EXOC4: variants seen among roughly 807,000 people sequenced by gnomAD.
EXOC4 encodes the protein SEC8-like 1.
EXOC4 carries 71 observed loss-of-function variants against 107.2 expected under a neutral mutation model. That is an observed-to-expected ratio of 0.66 (90% CI 0.55 to 0.81). EXOC4 has a LOEUF of 0.81. EXOC4 is among the 30% of genes least tolerant of loss of function. The pLI is 0.00. For synonymous variants in EXOC4, 456 were observed against 441.2 expected, an observed-to-expected ratio of 1.03 and a Z score of -0.42; for missense variants, 1,108 against 1,189.6, an observed-to-expected ratio of 0.93 and a Z score of 1.01.
At chr7:133,782,665 G>T (rs1796492137) in intron 10 of EXOC4, among the ~76,000 whole-genome samples, 1 of 152,146 alleles carries the variant, frequency 6.6e-6, no homozygotes, top group South Asian at 2.1e-4. Flanking sequence ...CAGGTCCCCT[G>T]AAACACATCC....
Position 133,298,927 on chromosome 7 carries a change from T to C in EXOC4, c.472-6950T>C, listed in dbSNP as rs570637656. On this transcript the variant is annotated intron_variant, in intron 3 of 17. Transcript: ENST00000253861. ...AAATATGGGGAATTGGTTTAAGTCA[T>C]TGTATAGTCATACTCATGGACTAGT... is the stretch of plus-strand genomic sequence containing the variant. Among the ~76,000 whole-genome samples the C allele has an allele frequency of 2.6e-5, 4 of 152,344 alleles. No individual in the cohort carries two copies. The East Asian group carries it at 5.8e-4, about 22-fold the overall frequency.
At chr7:133,853,053 A>G (rs919053630) in intron 11 of EXOC4, among the ~76,000 whole-genome samples, 2 of 152,140 alleles carry the variant, frequency 1.3e-5, no homozygotes, top group African/African-American at 4.8e-5. Context: ...TTTTGCTCCT[A>G]ATGTTCAGAA....
chr7:133,396,979 A>G (rs1371664045), intron 7 of EXOC4, among the ~76,000 whole-genome samples: 1 of 152,104 alleles, frequency 6.6e-6, no homozygotes, highest in East Asian at 1.9e-4. Context: ...ATTGACTTGT[A>G]CCTTTGCTGT....
At chr7:133,874,226 G>A (rs1413011294) in intron 11 of EXOC4, among the ~76,000 whole-genome samples, 2 of 152,174 alleles carry the variant, frequency 1.3e-5, no homozygotes, top group Non-Finnish European at 2.9e-5. Flanking sequence ...ATTATGTTTG[G>A]AGCCCAGGTC....
chr7:133,936,198 C>A (rs1034857227), intron 13 of EXOC4, among the ~76,000 whole-genome samples: 3 of 152,144 alleles, frequency 2.0e-5, no homozygotes, highest in Non-Finnish European at 4.4e-5. Context: ...TCCATGCGCT[C>A]GGTTCACTGC....
intron 9 of EXOC4, among the ~76,000 whole-genome samples, chr7:133,625,339 C>T (rs1008348288): frequency 3.3e-5 from 5 of 152,158 alleles, no homozygotes; most frequent in Admixed American, 6.5e-5. Context: ...TTATTGCAAT[C>T]CTTATTTTAT....
the EXOC4 span, among the ~76,000 whole-genome samples, chr7:134,094,927 C>G: frequency 2.0e-5 from 3 of 152,166 alleles, no homozygotes; most frequent in African/African-American, 7.2e-5. Context: ...CTCACTACTC[C>G]TATTCAACAT....
intron 10 of EXOC4, among the ~76,000 whole-genome samples, chr7:133,754,842 A>G (rs997427495): frequency 1.3e-5 from 2 of 152,166 alleles, no homozygotes; most frequent in African/African-American, 4.8e-5. Flanking sequence ...AAGGGACTAA[A>G]TTGATGCTTT....
At chr7:133,964,387 G>C (rs193269550) in intron 14 of EXOC4, among the ~76,000 whole-genome samples, 189 of 151,512 alleles carry the variant, frequency 1.2e-3, no homozygotes, top group African/African-American at 4.6e-3. Context: ...GTGCAGGTTT[G>C]TTACCTAGGT....
the EXOC4 span, among the ~76,000 whole-genome samples, chr7:134,087,555 A>G: frequency 1.3e-5 from 2 of 152,220 alleles, no homozygotes; most frequent in African/African-American, 4.8e-5. Flanking sequence ...AAGGCTTTCC[A>G]TGAACTGGGC....
chr7:133,666,191 C>A (rs754422035), intron 10 of EXOC4, among the ~76,000 whole-genome samples: 11 of 151,784 alleles, frequency 7.2e-5, no homozygotes, highest in Non-Finnish European at 1.2e-4. Flanking sequence ...ATTTTAAAAG[C>A]GAAAAAATTC....
At chr7:133,393,936 T>A (rs1796913242) in intron 7 of EXOC4, among the ~76,000 whole-genome samples, 1 of 152,192 alleles carries the variant, frequency 6.6e-6, no homozygotes, top group Non-Finnish European at 1.5e-5. Flanking sequence ...TACGAAGGTT[T>A]GCTATATTCC....
intron 10 of EXOC4, among the ~76,000 whole-genome samples, chr7:133,671,489 C>CG (rs1793944511): frequency 1.3e-5 from 2 of 152,100 alleles, no homozygotes; most frequent in African/African-American, 2.4e-5. Flanking sequence ...ATCACTTGAA[C>CG]GGGGGAGTCA....
At chr7:133,392,541 G>A (rs1342148708) in intron 7 of EXOC4, among the ~76,000 whole-genome samples, 2 of 152,142 alleles carry the variant, frequency 1.3e-5, no homozygotes, top group African/African-American at 4.8e-5. Flanking sequence ...CTCTTTGGGA[G>A]TGAATGATGG....
chr7:133,519,269 G>A (rs1202876568), intron 9 of EXOC4, among the ~76,000 whole-genome samples: 1 of 151,916 alleles, frequency 6.6e-6, no homozygotes, highest in Non-Finnish European at 1.5e-5. Context: ...ACAAAAATTA[G>A]CTTGGCGTGG....
intron 11 of EXOC4, among the ~76,000 whole-genome samples, chr7:133,827,963 TTCTA>T (rs1472511800): frequency 6.6e-6 from 1 of 152,150 alleles, no homozygotes; most frequent in Non-Finnish European, 1.5e-5. Flanking sequence ...TGAGATTACT[TTCTA>T]TCATGAGTAA....
chr7:133,479,112 C>G (rs992435753), intron 8 of EXOC4: 21 of 152,310 alleles, frequency 1.4e-4, no homozygotes, highest in African/African-American at 4.8e-4. Context: ...GCTTTTACCC[C>G]TTAGTGGCAG....
chr7:133,349,257 C>T (rs918806823), intron 5 of EXOC4, among the ~76,000 whole-genome samples: 1 of 152,010 alleles, frequency 6.6e-6, no homozygotes, highest in African/African-American at 2.4e-5. Flanking sequence ...CATCTATTTC[C>T]ATTACTCTTT....
At position 133,688,132 on chromosome 7, in the gene EXOC4, T is replaced by C. The variant is rs141011775; in HGVS notation, c.1514+57991T>C. Reference sequence around the variant, plus strand: ...GATACTTATAATGCAAATAGAAATGTCCCGAGGTCATTGTGTAATTTTATA... The same window carrying C: ...GATACTTATAATGCAAATAGAAATGCCCCGAGGTCATTGTGTAATTTTATA... On this transcript the variant is annotated intron_variant, in intron 10 of 17. Coordinates refer to ENST00000253861, the MANE Select transcript of EXOC4 (RefSeq NM_021807.4). Among the ~76,000 whole-genome samples, 281 of 152,270 alleles carry C rather than the reference T, an allele frequency of 1.8e-3. 2 individuals carry two copies. The highest frequency in any genetic ancestry group is 6.3e-3 in the African/African-American group (263 of 41,554).
Sources: allele counts gnomAD v4.1 joint callset (sites outside exome capture counted in the v4.1 genomes callset), GRCh38; gene constraint gnomAD v4.1.1; transcripts MANE v1.5; gene names NCBI Gene and HGNC (gene_info 2026-07-23, HGNC 2026-07-21).